Variants in ZNF180 observed in about 807,000 individuals in gnomAD.
ZNF180 encodes zinc finger protein 180.
In ZNF180, 11 loss-of-function variants were observed where a neutral mutation model predicts 11.8. The ratio of observed to expected loss-of-function variants is 0.93; its 90% confidence interval spans 0.59 to 1.55. The LOEUF (loss-of-function observed/expected upper bound fraction) is 1.55. ZNF180 is among the 40% of genes most tolerant of loss of function. The pLI is 0.00. For missense variants in ZNF180, 773 were observed against 781.7 expected (o/e 0.99, Z 0.13); for synonymous variants, 287 against 257.7 (o/e 1.11, Z -1.09).
intron 1 of ZNF180, among the ~76,000 whole-genome samples, chr19:44,499,354 C>T (rs1369945237): frequency 6.6e-6 from 1 of 152,202 alleles, no homozygotes; most frequent in Non-Finnish European, 1.5e-5. Context: ...CTGCAAATAG[C>T]GTACCCAAGT....
chr19:44,474,438 A>G (rs1969804217), downstream of ZNF180: 1 of 152,118 alleles, frequency 6.6e-6, no homozygotes, highest in Non-Finnish European at 1.5e-5. Context: ...TTCATGGCTT[A>G]TATATTTTTT....
Position 44,477,435 on chromosome 19 carries a change from T to G in ZNF180, c.965A>C (p.Glu322Ala). 6.2e-7 allele frequency: 1 copy of G among 1,614,180 alleles called. No individual in the cohort carries two copies. Among genetic ancestry groups the G allele is most frequent in the Non-Finnish European group, 8.5e-7 (1 of 1,180,014 alleles). ...CTGATTACATTCAAAAGGTTTCTCT[T>G]CAGAATTATTTCTCATGTTTTGAGT... ...SLTQNMRNNS[E>A]EKPFECNQCG... Residue 322 changes from glutamate to alanine, a missense_variant, in exon 5 of 5, where the codon GAA (glutamate) becomes GCA (alanine). Transcript: ENST00000592529.
In ZNF180 at chr19:44,477,018, G is replaced by T. The variant is rs765875036; in HGVS notation, c.1382C>A (p.Thr461Asn). The T allele has an allele frequency of 6.2e-7, 1 of 1,614,138 alleles. No homozygotes were observed. The highest frequency in any genetic ancestry group is 8.5e-7 in the Non-Finnish European group (1 of 1,180,014). Residue 461 changes from threonine (T) to asparagine (N), a missense_variant, in exon 5 of 5, where the codon ACT (threonine) becomes AAT (asparagine). Physicochemically the swap from Thr to Asn is moderately conservative, Grantham distance 65. Transcript: ENST00000592529. Reference protein sequence around the residue: ...YKLIAHQRIHTGEKPYECNQC... With the variant: ...YKLIAHQRIHNGEKPYECNQC... The stretch of plus-strand genomic sequence containing the variant: ...ATTGCATTCATAGGGTTTTTCCCCA[G>T]TATGAATTCTTTGATGTGCAATAAG...
rs751909334 is a variant in ZNF180, at chr19:44,476,828, A to G, written c.1572T>C (p.Cys524=). Residue 524 remains cysteine (C), a synonymous_variant, in exon 5 of 5, where the codon TGT becomes TGC. Transcript: ENST00000592529. ...GGTTAAAAGATTTTCCACATTCACT[A>G]CATTCATACGGTTTCTCTCCAGTGT... is the stretch of plus-strand genomic sequence containing the variant. ...RTHTGEKPYE[C]SECGKSFNRS... 6.8e-6 allele frequency: 11 copies of G among 1,614,134 alleles called. No homozygotes were observed. In the South Asian group the frequency reaches 7.7e-5, roughly 11 times the overall value.
intron 2 of ZNF180, among the ~76,000 whole-genome samples, chr19:44,490,023 AAGACAGG>A (rs1970397352): frequency 2.3e-5 from 1 of 43,442 alleles, no homozygotes; most frequent in South Asian, 1.7e-3. Context: ...AAGAAAGAAA[AAGACAGG>A]AAAGAAAGAG....
chr19:44,496,239 G>A (rs956984007), intron 2 of ZNF180, among the ~76,000 whole-genome samples: 1 of 151,902 alleles, frequency 6.6e-6, no homozygotes, highest in Admixed American at 6.5e-5. Flanking sequence ...GGCTGGTCCT[G>A]TACTCCTGGC....
intron 2 of ZNF180, among the ~76,000 whole-genome samples, chr19:44,489,664 G>C (rs1970371428): frequency 7.8e-6 from 1 of 128,430 alleles, no homozygotes; most frequent in Non-Finnish European, 1.7e-5. Flanking sequence ...TTTATCTGCT[G>C]ACCTTCCCTC....
At chr19:44,484,470 A>C (rs757951463) in intron 2 of ZNF180, 35 bp from the exon 3 acceptor site, 10 of 1,529,300 alleles carry the variant, frequency 6.5e-6, no homozygotes, top group Non-Finnish European at 8.2e-6. Flanking sequence ...AAAGGAAAAT[A>C]ATCAGGGAGC....
chr19:44,488,868 T>C (rs931769404), intron 2 of ZNF180, among the ~76,000 whole-genome samples: 3 of 150,724 alleles, frequency 2.0e-5, no homozygotes, highest in Admixed American at 1.3e-4. Flanking sequence ...GGAGCATCTC[T>C]GCCCGGTCGC....
chr19:44,486,858 T>C (rs924984275), intron 2 of ZNF180, among the ~76,000 whole-genome samples: 11 of 152,094 alleles, frequency 7.2e-5, no homozygotes, highest in African/African-American at 2.7e-4. Context: ...CTGGTCAACA[T>C]GGCGAAACCC....
rs1324966099 is a variant in ZNF180, at chr19:44,477,659, T to A, written c.741A>T (p.Gly247=). 2 of 1,613,968 alleles carry A rather than the reference T, an allele frequency of 1.2e-6. No individual in the cohort carries two copies. Among genetic ancestry groups the A allele is most frequent in the Non-Finnish European group, 1.7e-6 (2 of 1,179,924 alleles). ...TRTQTKDKSY[G]FSDRIQSFCH... Reference sequence around the variant, plus strand: ...AAAAAGATTGAATACGGTCACTAAATCCATAGGATTTATCTTTTGTTTGAG... The same window carrying A: ...AAAAAGATTGAATACGGTCACTAAAACCATAGGATTTATCTTTTGTTTGAG... The change falls in exon 5 of 5, where the codon GGA becomes GGT. Residue 247 remains glycine, a synonymous_variant. Coordinates refer to ENST00000592529, the MANE Select transcript of ZNF180 (RefSeq NM_001278509.3).
At chr19:44,484,639 C>T in intron 2 of ZNF180, 1 of 583,818 alleles carries the variant, frequency 1.7e-6, no homozygotes, top group Non-Finnish European at 3.1e-6. Context: ...AGCACCAAGG[C>T]CCACAGATAC....
chr19:44,488,966 G>T (rs1423112311), intron 2 of ZNF180, among the ~76,000 whole-genome samples: 2 of 151,274 alleles, frequency 1.3e-5, no homozygotes, highest in Non-Finnish European at 1.5e-5. Flanking sequence ...CGCCCCGTCT[G>T]AGAAGTGAGG....
intron 2 of ZNF180, among the ~76,000 whole-genome samples, chr19:44,487,942 G>GTCTTGACC: frequency 6.6e-6 from 1 of 152,248 alleles, no homozygotes; most frequent in Non-Finnish European, 1.5e-5. Context: ...GGCCAGGATG[G>GTCTTGACC]TCTTGACCTC....
chr19:44,483,991 CTTTCTTTTT>C (rs1245155941), intron 3 of ZNF180, among the ~76,000 whole-genome samples: 1 of 102,226 alleles, frequency 9.8e-6, no homozygotes, highest in Non-Finnish European at 1.9e-5. Context: ...CACTTTCTTT[CTTTCTTTTT>C]TTTTTTTTTT....
chr19:44,486,824 T>C (rs2123467489), intron 2 of ZNF180, among the ~76,000 whole-genome samples: 1 of 152,258 alleles, frequency 6.6e-6, no homozygotes, highest in African/African-American at 2.4e-5. Flanking sequence ...GCAGATTGCC[T>C]GAACTCAGGA....
chr19:44,488,999 C>G (rs1368467423), intron 2 of ZNF180, among the ~76,000 whole-genome samples: 1 of 150,652 alleles, frequency 6.6e-6, no homozygotes, highest in African/African-American at 2.5e-5. Flanking sequence ...CGGCAGCCAC[C>G]CTGTCTGGGA....
chr19:44,486,878 T>C lies in ZNF180; in HGVS notation c.52-2443A>G, dbSNP rs140079926. Among the ~76,000 whole-genome samples the C allele has an allele frequency of 4.9e-3, 741 of 152,100 alleles. 4 individuals carry two copies. Among genetic ancestry groups the C allele is most frequent in the African/African-American group, 0.017 (711 of 41,484 alleles). On this transcript the variant is annotated intron_variant, in intron 2 of 4. Transcript: ENST00000592529. Reference sequence around the variant, plus strand: ...CAACATGGCGAAACCCCATCTCTACTAAAAATACAAAAAAATACAAATTAG... The same window carrying C: ...CAACATGGCGAAACCCCATCTCTACCAAAAATACAAAAAAATACAAATTAG...
intron 1 of ZNF180, 43 bp from the exon 2 acceptor site, chr19:44,497,420 G>A (rs757818840): frequency 1.7e-5 from 26 of 1,532,974 alleles, no homozygotes; most frequent in Admixed American, 1.2e-4. Flanking sequence ...TAGGTCTGCC[G>A]GAACCGCTGG....
Sources: allele counts gnomAD v4.1 joint callset (sites outside exome capture counted in the v4.1 genomes callset), GRCh38; gene constraint gnomAD v4.1.1; transcripts MANE v1.5; gene names NCBI Gene and HGNC (gene_info 2026-07-23, HGNC 2026-07-21).